The following DMD variants were observed in gnomAD, a reference collection of about 807,000 sequenced individuals.
DMD encodes the protein dystrophin.
DMD carries 63 observed loss-of-function variants against 330.1 expected under a neutral mutation model. The observed-to-expected ratio is 0.19, with a 90% CI of 0.16 to 0.24. The LOEUF is 0.24. DMD is among the 10% of genes least tolerant of loss of function. The pLI is 1.00. For missense variants in DMD, 3,344 were observed against 2,684.1 expected (o/e 1.25, Z -5.43); for synonymous variants, 1,223 against 959.8 (o/e 1.27, Z -5.07).
rs183559398 is a variant in DMD at position 32,148,177 on chromosome X, A to C, written c.6438+68739T>G. Among the ~76,000 whole-genome samples, 263 of 111,038 alleles carry C rather than the reference A, an allele frequency of 2.4e-3. 1 individual carries two copies. The highest frequency in any genetic ancestry group is 4.7e-3 in the Middle Eastern group (1 of 212). ...CAGGCGTGAGCCACCGCACCCGGCC[A>C]AAAAATTTCTTATTTATACCTCTAC... On this transcript the variant is annotated intron_variant, in intron 44 of 78. Transcript: ENST00000357033.
intron 51 of DMD, among the ~76,000 whole-genome samples, chrX:31,732,293 A>G (rs2086566691): frequency 8.9e-6 from 1 of 111,843 alleles, no homozygotes; most frequent in African/African-American, 3.2e-5. Flanking sequence ...TTGCTATGGG[A>G]TTTATCATAC....
At chrX:32,240,537 T>C (rs190776416) in intron 43 of DMD, among the ~76,000 whole-genome samples, 1 of 111,398 alleles carries the variant, frequency 9.0e-6, no homozygotes, top group Admixed American at 9.6e-5. Flanking sequence ...AGGCATCCAG[T>C]CTATGGTATT....
chrX:32,540,500 A>G (rs749879704), intron 17 of DMD, among the ~76,000 whole-genome samples: 7 of 111,642 alleles, frequency 6.3e-5, no homozygotes, highest in Non-Finnish European at 1.3e-4. Context: ...GATCATCAGG[A>G]TGGTCACGTT....
chrX:32,351,554 G>A (rs949529399), intron 37 of DMD, among the ~76,000 whole-genome samples: 9 of 108,416 alleles, frequency 8.3e-5, no homozygotes, highest in African/African-American at 2.7e-4. Context: ...CAGTCAGTGG[G>A]GTGTGTTCCC....
At chrX:33,322,721 G>C (rs16990980) in intron 1 of DMD, among the ~76,000 whole-genome samples, 1,227 of 111,843 alleles carry the variant, frequency 0.011, 13 homozygotes, top group African/African-American at 0.037. Context: ...CTTTATTCAT[G>C]AAACAGCAGA....
intron 50 of DMD, among the ~76,000 whole-genome samples, chrX:31,805,322 C>T (rs1673757289): frequency 1.8e-5 from 2 of 111,819 alleles, no homozygotes; most frequent in Admixed American, 9.5e-5. Context: ...CTTTGGGAGA[C>T]CATTCTACCT....
intron 74 of DMD, among the ~76,000 whole-genome samples, chrX:31,153,942 C>G (rs934863928): frequency 8.9e-6 from 1 of 112,029 alleles, no homozygotes; most frequent in Admixed American, 9.4e-5. Context: ...AGTCTGAATT[C>G]TCTTTTAAGG....
chrX:32,682,016 T>A (rs2062462262), intron 9 of DMD, among the ~76,000 whole-genome samples: 1 of 111,479 alleles, frequency 9.0e-6, no homozygotes, highest in South Asian at 3.8e-4. Flanking sequence ...TAGGCCAGTG[T>A]ATCTGGAGCT....
intron 16 of DMD, among the ~76,000 whole-genome samples, chrX:32,548,040 G>C (rs187896494): frequency 9.0e-6 from 1 of 111,508 alleles, no homozygotes; most frequent in East Asian, 2.8e-4. Flanking sequence ...GATATAACTT[G>C]ATTCGTCATC....
chrX:32,643,965 A>T (rs1184035030), intron 11 of DMD, among the ~76,000 whole-genome samples, 167 bp downstream of exon 11: 2 of 112,098 alleles, frequency 1.8e-5, no homozygotes, highest in African/African-American at 6.5e-5. Flanking sequence ...ACAAAAGTGA[A>T]AACCAAAATG....
chrX:31,659,645 A>G (rs2081004997), intron 53 of DMD, among the ~76,000 whole-genome samples: 1 of 79,779 alleles, frequency 1.3e-5, no homozygotes, highest in African/African-American at 4.9e-5. Flanking sequence ...CTCGGAAAAA[A>G]AAAAAAAAAA....
intron 62 of DMD, among the ~76,000 whole-genome samples, chrX:31,267,193 A>T (rs980153364): frequency 1.8e-5 from 2 of 112,060 alleles, no homozygotes; most frequent in Non-Finnish European, 3.8e-5. Flanking sequence ...CTCTGCTAAC[A>T]CCTCCTTAAA....
At chrX:32,847,256 A>G (rs1383467178) in intron 3 of DMD, among the ~76,000 whole-genome samples, 2 of 111,923 alleles carry the variant, frequency 1.8e-5, no homozygotes, top group African/African-American at 3.2e-5. Context: ...ACACATGTGC[A>G]TATGTATTAG....
chrX:31,381,471 C>T (rs1435279260), intron 60 of DMD, among the ~76,000 whole-genome samples: 8 of 111,656 alleles, frequency 7.2e-5, no homozygotes, highest in Admixed American at 1.9e-4. Context: ...TCACACCTGA[C>T]GCATATGCTT....
chrX:31,604,543 T>C (rs919019951), intron 55 of DMD, among the ~76,000 whole-genome samples: 1 of 112,000 alleles, frequency 8.9e-6, no homozygotes, highest in African/African-American at 3.2e-5. Context: ...CTCAATAGGA[T>C]GGAAGATGCA....
chrX:31,532,287 C>T (rs1481208266), intron 55 of DMD, among the ~76,000 whole-genome samples: 2 of 80,600 alleles, frequency 2.5e-5, no homozygotes, highest in Non-Finnish European at 4.5e-5. Context: ...GCGGATCTCT[C>T]GGCAGAAACC....
chrX:32,184,209 C>A lies in DMD; in HGVS notation c.6438+32707G>T, dbSNP rs915450534. On this transcript the variant is annotated intron_variant, in intron 44 of 78. Transcript: ENST00000357033. ...GTAAGTCCTAAATGTAAAAAACAAACCTTTTCAATTGAGGTATTGTTACAA... is the reference window on the plus strand; with the variant it reads ...GTAAGTCCTAAATGTAAAAAACAAAACTTTTCAATTGAGGTATTGTTACAA... Among the ~76,000 whole-genome samples, 5 of 110,108 alleles carry A rather than the reference C, an allele frequency of 4.5e-5. No individual in the cohort carries two copies. The East Asian group carries it at 1.4e-3, about 31-fold the overall frequency.
At chrX:32,934,070 C>T (rs2089807849) in intron 2 of DMD, among the ~76,000 whole-genome samples, 1 of 111,483 alleles carries the variant, frequency 9.0e-6, no homozygotes, top group South Asian at 3.7e-4. Context: ...GTCATCTAAT[C>T]CCTAAGAGTT....
At chrX:31,871,948 A>T (rs923851286) in intron 48 of DMD, among the ~76,000 whole-genome samples, 9 of 109,007 alleles carry the variant, frequency 8.3e-5, no homozygotes, top group Non-Finnish European at 1.7e-4. Flanking sequence ...AGTGAAAGGA[A>T]TGGAAGCTAG....
Sources: allele counts gnomAD v4.1 joint callset (sites outside exome capture counted in the v4.1 genomes callset), GRCh38; gene constraint gnomAD v4.1.1; transcripts MANE v1.5; gene names NCBI Gene and HGNC (gene_info 2026-07-23, HGNC 2026-07-21).